MORN1: variants seen among roughly 807,000 people sequenced by gnomAD.
MORN1 encodes MORN repeat containing 1.
In MORN1, 67 loss-of-function variants were observed where a neutral mutation model predicts 61.9. The observed-to-expected ratio is 1.08, with a 90% CI of 0.89 to 1.33. The LOEUF (loss-of-function observed/expected upper bound fraction) is 1.33, where lower values mean the gene tolerates loss of function less well. Among genes scored for constraint, MORN1 ranks in the 40% most tolerant of loss-of-function variants. The probability of loss-of-function intolerance (pLI) is 0.00; values close to 1 mark genes in which losing one functional copy is unlikely to be tolerated. For synonymous variants in MORN1, 301 were observed against 292.0 expected, an observed-to-expected ratio of 1.03 and a Z score of -0.31; for missense variants, 752 against 691.2, an observed-to-expected ratio of 1.09 and a Z score of -0.99.
Position 2,346,993 on chromosome 1 carries a change from G to T in MORN1, c.1037-10143C>A, listed in dbSNP as rs553752420. Among the ~76,000 whole-genome samples the T allele has an allele frequency of 2.0e-5, 3 of 152,290 alleles. No homozygotes were observed. In the South Asian group the frequency reaches 6.2e-4, roughly 32 times the overall value. Reference sequence around the variant, plus strand: ...GGGTGCTCCCTTCCTCCTAGGAGAGGGACTCCTGGGTCCTTCTTGGGAGAT... The same window carrying T: ...GGGTGCTCCCTTCCTCCTAGGAGAGTGACTCCTGGGTCCTTCTTGGGAGAT... On this transcript the variant is annotated intron_variant, in intron 10 of 13. Coordinates refer to ENST00000378531, the MANE Select transcript of MORN1 (RefSeq NM_024848.3).
intron 10 of MORN1, among the ~76,000 whole-genome samples, chr1:2,338,712 A>G (rs1009011015): frequency 6.6e-6 from 1 of 152,168 alleles, no homozygotes; most frequent in African/African-American, 2.4e-5. Context: ...AAATAAACAT[A>G]TATCCACATG....
chr1:2,383,221 G>C (rs1008789283), intron 6 of MORN1, among the ~76,000 whole-genome samples: 7 of 152,228 alleles, frequency 4.6e-5, no homozygotes, highest in African/African-American at 1.7e-4. Flanking sequence ...TTTGTCAACA[G>C]AGAACAAGGC....
At chr1:2,351,539 G>C (rs1019126432) in intron 10 of MORN1, 1 of 197,164 alleles carries the variant, frequency 5.1e-6, no homozygotes, top group Non-Finnish European at 1.0e-5. Flanking sequence ...AAGAGTCTTT[G>C]CCAGCACATT....
intron 6 of MORN1, among the ~76,000 whole-genome samples, chr1:2,381,747 T>C (rs911318170): frequency 2.0e-5 from 3 of 152,148 alleles, no homozygotes; most frequent in African/African-American, 4.8e-5. Flanking sequence ...GGGGGGCCGC[T>C]TGGGGGCCCG....
intron 5 of MORN1, 132 bp downstream of exon 5, chr1:2,385,675 G>A: frequency 1.4e-6 from 1 of 740,564 alleles, no homozygotes; most frequent in Non-Finnish European, 2.3e-6. Context: ...GGGGTGGCGG[G>A]TAGACAGCAG....
At chr1:2,345,881 C>A (rs574227651) in intron 10 of MORN1, among the ~76,000 whole-genome samples, 9 of 152,116 alleles carry the variant, frequency 5.9e-5, no homozygotes, top group Admixed American at 5.9e-4. Context: ...CTCTATGACG[C>A]ACACCCCGAG....
At chr1:2,390,125 C>T (rs1570062322) in intron 1 of MORN1, 129 bp from the exon 2 acceptor site, 1 of 790,788 alleles carries the variant, frequency 1.3e-6, no homozygotes, top group Non-Finnish European at 2.1e-6. Context: ...CTTCAGCAGA[C>T]CAGAGGCGAC....
intron 12 of MORN1, among the ~76,000 whole-genome samples, chr1:2,333,180 G>A (rs1365472818): frequency 6.6e-6 from 1 of 152,236 alleles, no homozygotes; most frequent in Non-Finnish European, 1.5e-5. Context: ...GCTCCCGCCT[G>A]GAGATGCTCC....
At chr1:2,353,161 T>C (rs1415177345) in intron 10 of MORN1, among the ~76,000 whole-genome samples, 1 of 152,240 alleles carries the variant, frequency 6.6e-6, no homozygotes, top group Admixed American at 6.5e-5. Flanking sequence ...CAGGCAGCGC[T>C]GTGACTGGGC....
Position 2,337,380 on chromosome 1 carries a change from G to A in MORN1, c.1037-530C>T, listed in dbSNP as rs557711735. Among the ~76,000 whole-genome samples, 634 of 152,314 alleles carry A rather than the reference G, an allele frequency of 4.2e-3. 4 individuals carry two copies. Among genetic ancestry groups the A allele is most frequent in the Middle Eastern group, 6.8e-3 (2 of 294 alleles). On this transcript the variant is annotated intron_variant, in intron 10 of 13. Transcript: ENST00000378531. The surrounding 1 kb of genome is among the most constrained non-coding windows in gnomAD (Gnocchi z 5.7). The stretch of plus-strand genomic sequence containing the variant: ...GTGGCTGCGAGTCCCTCCACGTGGC[G>A]GCAGACCCCAGGTCCTCGGGCATCA...
chr1:2,340,194 C>T (rs576832855), intron 10 of MORN1, among the ~76,000 whole-genome samples: 99 of 152,304 alleles, frequency 6.5e-4, no homozygotes, highest in African/African-American at 2.3e-3. Flanking sequence ...CTTGCCCCTC[C>T]TCTGTTCACA....
At chr1:2,339,914 C>T (rs745467191) in intron 10 of MORN1, among the ~76,000 whole-genome samples, 14 of 152,268 alleles carry the variant, frequency 9.2e-5, no homozygotes, top group Admixed American at 2.0e-4. Flanking sequence ...CCGTGGAGCA[C>T]GGCTTGGAAT....
chr1:2,387,568 G>T, intron 3 of MORN1, 39 bp from the exon 4 acceptor site: 3 of 1,483,076 alleles, frequency 2.0e-6, no homozygotes, highest in Non-Finnish European at 9.3e-7. Context: ...AGGAGGTTCA[G>T]TTCAGGGCTG....
chr1:2,327,931 G>A (rs1289953876), intron 12 of MORN1, among the ~76,000 whole-genome samples: 1 of 152,260 alleles, frequency 6.6e-6, no homozygotes, highest in Non-Finnish European at 1.5e-5. Flanking sequence ...CATCTTCCCA[G>A]GCCAGATGCT....
intron 12 of MORN1, among the ~76,000 whole-genome samples, chr1:2,333,809 G>A (rs549683748): frequency 6.6e-5 from 10 of 152,228 alleles, no homozygotes; most frequent in African/African-American, 2.2e-4. Flanking sequence ...GGAACCACTC[G>A]GCCACGACAC....
At chr1:2,341,939 C>T (rs954328388) in intron 10 of MORN1, among the ~76,000 whole-genome samples, 3 of 152,236 alleles carry the variant, frequency 2.0e-5, no homozygotes, top group African/African-American at 7.2e-5. Context: ...GCTCCACGGG[C>T]CCCAGAGGAA....
chr1:2,383,336 G>A (rs114759814), intron 6 of MORN1, among the ~76,000 whole-genome samples: 1 of 152,160 alleles, frequency 6.6e-6, no homozygotes, highest in Admixed American at 6.5e-5. Context: ...CTGCACCTCA[G>A]GGGGAGTTTC....
At position 2,357,650 on chromosome 1, in the gene MORN1, G is replaced by A; in HGVS notation, c.870-52C>T. Reference sequence around the variant, plus strand: ...TCTACTCACCCCACACCAAACTAGGGTGCAGGCAGACAGCGTGGCCCACGC... The same window carrying A: ...TCTACTCACCCCACACCAAACTAGGATGCAGGCAGACAGCGTGGCCCACGC... On this transcript the variant is annotated intron_variant, in intron 9 of 13. Transcript: ENST00000378531. The surrounding 1 kb of genome is among the most constrained non-coding windows in gnomAD (Gnocchi z 6.3). 1.3e-6 allele frequency: 2 copies of A among 1,529,116 alleles called. No homozygotes were observed. The highest frequency in any genetic ancestry group is 1.8e-6 in the Non-Finnish European group (2 of 1,134,304). The allele number at this position is 1,529,116 out of a possible 1,614,324, so 94.7% of individuals were successfully genotyped here.
At chr1:2,325,141 TCCC>T (rs1351309792) in intron 12 of MORN1, among the ~76,000 whole-genome samples, 28 of 14,070 alleles carry the variant, frequency 2.0e-3, no homozygotes, top group East Asian at 4.8e-3. Context: ...CTTCCCTCCC[TCCC>T]TCCCTTCCTT....
Sources: gnomAD v4.1 joint callset for allele counts (sites outside exome capture counted in the v4.1 genomes callset) on GRCh38, gnomAD v4.1.1 for gene constraint, Gnocchi (gnomAD v3.1) non-coding constraint, MANE v1.5 for transcripts, NCBI Gene and HGNC (gene_info 2026-07-23, HGNC 2026-07-21) for gene names.